The following PTPRD variants were observed in gnomAD, a reference collection of about 807,000 sequenced individuals.
The protein encoded by PTPRD is protein tyrosine phosphatase receptor type D, also known as receptor-type tyrosine-protein phosphatase delta.
A neutral mutation model predicts 214.5 loss-of-function variants in PTPRD; 34 were observed. The ratio of observed to expected loss-of-function variants is 0.16; its 90% CI spans 0.12 to 0.21. The LOEUF (loss-of-function observed/expected upper bound fraction) is 0.21, where lower values mean the gene tolerates loss of function less well. PTPRD is among the 10% of genes least tolerant of loss of function. The probability of loss-of-function intolerance (pLI) is 1.00; values close to 1 mark genes in which losing one functional copy is unlikely to be tolerated. For missense variants in PTPRD, 2,545 were observed against 2,398.7 expected (o/e 1.06, Z -1.27); for synonymous variants, 1,128 against 845.7 (o/e 1.33, Z -5.79).
intron 2 of PTPRD, among the ~76,000 whole-genome samples, chr9:10,406,119 T>C (rs891029785): frequency 2.0e-5 from 3 of 151,316 alleles, no homozygotes; most frequent in Non-Finnish European, 4.4e-5. Context: ...CTGAGAAATA[T>C]TGAATAAAAT....
intron 2 of PTPRD, among the ~76,000 whole-genome samples, chr9:10,558,102 T>G (rs833416): frequency 0.16 from 23,841 of 152,146 alleles, 2,437 homozygotes; most frequent in East Asian, 0.51. Flanking sequence ...ATGCACAAAT[T>G]CCTTAAACTG....
intron 4 of PTPRD, among the ~76,000 whole-genome samples, chr9:9,943,347 C>G (rs897365130): frequency 6.6e-6 from 1 of 152,104 alleles, no homozygotes; most frequent in African/African-American, 2.4e-5. Context: ...ATTAAAAGGG[C>G]TATCATCACT....
chr9:9,557,485 G>A (rs540795762), intron 8 of PTPRD, among the ~76,000 whole-genome samples: 7 of 151,784 alleles, frequency 4.6e-5, no homozygotes, highest in Non-Finnish European at 7.4e-5. Context: ...GCTCTCTCTC[G>A]GGAGAAAAAA....
chr9:8,364,353 T>G (rs1324781325), intron 39 of PTPRD, among the ~76,000 whole-genome samples: 1 of 152,256 alleles, frequency 6.6e-6, no homozygotes, highest in Non-Finnish European at 1.5e-5. Flanking sequence ...ACACAGTTTT[T>G]ATTTCGGTTC....
chr9:9,272,531 T>A (rs1455147668), intron 9 of PTPRD, among the ~76,000 whole-genome samples: 1 of 151,260 alleles, frequency 6.6e-6, no homozygotes, highest in Non-Finnish European at 1.5e-5. Flanking sequence ...GAAAGGTATT[T>A]AAGGACAACT....
At chr9:10,189,263 G>A (rs773453436) in intron 3 of PTPRD, among the ~76,000 whole-genome samples, 29 of 152,190 alleles carry the variant, frequency 1.9e-4, no homozygotes, top group Non-Finnish European at 3.8e-4. Context: ...CCACTTTTAG[G>A]GTGACTCCAG....
chr9:10,199,819 A>G (rs1011999417), intron 3 of PTPRD, among the ~76,000 whole-genome samples: 5 of 151,880 alleles, frequency 3.3e-5, no homozygotes, highest in African/African-American at 4.8e-5. Context: ...CAACAAAACT[A>G]TAAACATTGA....
At chr9:8,851,510 C>A (rs1193061489) in intron 11 of PTPRD, among the ~76,000 whole-genome samples, 1 of 152,094 alleles carries the variant, frequency 6.6e-6, no homozygotes. Context: ...AGAGTGCCAA[C>A]AGGAAAAACG....
intron 35 of PTPRD, among the ~76,000 whole-genome samples, chr9:8,425,548 G>A (rs570403586): frequency 1.3e-5 from 2 of 152,248 alleles, no homozygotes; most frequent in East Asian, 3.9e-4. Context: ...CTCAGCCTGG[G>A]GGCTTGCATT....
intron 37 of PTPRD, among the ~76,000 whole-genome samples, chr9:8,381,429 G>C (rs1367040352): frequency 6.6e-6 from 1 of 152,174 alleles, no homozygotes; most frequent in Admixed American, 6.5e-5. Flanking sequence ...TAAGGACAGA[G>C]AGCATCTCAG....
chr9:9,302,198 T>C (rs1955561686), intron 9 of PTPRD, among the ~76,000 whole-genome samples: 1 of 151,960 alleles, frequency 6.6e-6, no homozygotes, highest in African/African-American at 2.4e-5. Context: ...TCTTCTTTTT[T>C]TAAATTGCTT....
intron 6 of PTPRD, among the ~76,000 whole-genome samples, chr9:9,756,334 G>T (rs2821521): frequency 0.96 from 146,829 of 152,180 alleles, 70,880 homozygotes; most frequent in East Asian, 1. Flanking sequence ...GAGAGTGCTT[G>T]CTAGAACACT....
chr9:9,357,714 TA>T (rs1555290879), intron 9 of PTPRD, among the ~76,000 whole-genome samples: 5,781 of 130,100 alleles, frequency 0.044, 140 homozygotes, highest in African/African-American at 0.087. Flanking sequence ...GTTTTTAAAA[TA>T]AAAAAAAAAA....
At chr9:8,678,064 T>A (rs1189168351) in intron 12 of PTPRD, among the ~76,000 whole-genome samples, 2 of 152,140 alleles carry the variant, frequency 1.3e-5, no homozygotes. Context: ...GGCAGTGAAG[T>A]GTGAAAATAA....
intron 10 of PTPRD, among the ~76,000 whole-genome samples, chr9:9,077,028 T>C (rs2154416876): frequency 2.0e-5 from 3 of 152,248 alleles, no homozygotes; most frequent in Middle Eastern, 6.8e-3. Flanking sequence ...ATTGCAGTTT[T>C]GATTTGCATT....
intron 12 of PTPRD, among the ~76,000 whole-genome samples, chr9:8,658,509 T>C (rs1042155926): frequency 3.9e-5 from 6 of 152,128 alleles, no homozygotes; most frequent in African/African-American, 1.4e-4. Context: ...TTTCTATTAG[T>C]ACCAGTAGCC....
rs76291062 is a variant in PTPRD at position 9,130,795 on chromosome 9, T to C, written c.-143+52509A>G. On this transcript the variant is annotated intron_variant, in intron 10 of 45. Transcript: ENST00000381196. ...AGGTTGCTGAGCTATTTTGGGGTAG[T>C]CATTTCACCTAGCTGGCCTCAGGGG... Among the ~76,000 whole-genome samples, 1,181 of 152,268 alleles carry C rather than the reference T, an allele frequency of 7.8e-3. 15 individuals are homozygous for C. Among genetic ancestry groups the C allele is most frequent in the African/African-American group, 0.026 (1,100 of 41,566 alleles).
At chr9:9,003,934 T>A (rs1239590397) in intron 11 of PTPRD, among the ~76,000 whole-genome samples, 1 of 152,090 alleles carries the variant, frequency 6.6e-6, no homozygotes, top group Non-Finnish European at 1.5e-5. Flanking sequence ...GTCTACTTCT[T>A]AGTCTTATGG....
chr9:9,122,798 G>T (rs1019618698), intron 10 of PTPRD, among the ~76,000 whole-genome samples: 2 of 151,922 alleles, frequency 1.3e-5, no homozygotes, highest in African/African-American at 4.8e-5. Flanking sequence ...AACGTGCAAG[G>T]GTATGAACAA....
Sources: allele counts gnomAD v4.1 joint callset (sites outside exome capture counted in the v4.1 genomes callset), GRCh38; gene constraint gnomAD v4.1.1; transcripts MANE v1.5; gene names NCBI Gene and HGNC (gene_info 2026-07-23, HGNC 2026-07-21).